MYO6: variants seen among roughly 807,000 people sequenced by gnomAD.
MYO6 encodes the protein unconventional myosin-VI.
MYO6 carries 74 observed loss-of-function variants against 178.7 expected under a neutral mutation model. The observed-to-expected ratio is 0.41, with a 90% CI of 0.34 to 0.50. The LOEUF (loss-of-function observed/expected upper bound fraction) is 0.50, where lower values mean the gene tolerates loss of function less well. Ranked by LOEUF, MYO6 falls within the 20% of genes least tolerant of loss-of-function variation. MYO6 has a pLI of 0.09. For missense variants in MYO6, 1,330 were observed against 1,547.4 expected (o/e 0.86, Z 2.36); for synonymous variants, 477 against 504.6 (o/e 0.95, Z 0.73).
intron 1 of MYO6, among the ~76,000 whole-genome samples, chr6:75,761,154 C>T (rs1039521636): frequency 1.3e-5 from 2 of 152,036 alleles, no homozygotes; most frequent in African/African-American, 4.8e-5. Context: ...ACTTTATGTA[C>T]TTATTATTCT....
chr6:75,758,864 T>A (rs185389282), intron 1 of MYO6, among the ~76,000 whole-genome samples: 1 of 152,002 alleles, frequency 6.6e-6, no homozygotes, highest in African/African-American at 2.4e-5. Flanking sequence ...AAATACATGT[T>A]TGTATAGATC....
Position 75,917,634 on chromosome 6 carries a change from T to C in MYO6, c.*2622T>C, listed in dbSNP as rs905498127. ...GCCACACAAAGGCATTCTATTGTTA[T>C]GCTCATTCTGCTTCTGTAATGACTT... On this transcript the variant is annotated 3_prime_UTR_variant, in exon 35 of 35. Transcript: ENST00000369977. The C allele has an allele frequency of 6.6e-6, 1 of 152,316 alleles. No homozygotes were observed. 9.4% of individuals were successfully genotyped at this position (152,316 alleles called of 1,614,324 possible). A position where few individuals can be genotyped will look rare whatever the true frequency, so the allele number is the denominator to read the frequency against.
chr6:75,859,085 G>A (rs1775971625), intron 14 of MYO6, 92 bp downstream of exon 14: 5 of 867,018 alleles, frequency 5.8e-6, no homozygotes, highest in Non-Finnish European at 9.3e-6. Context: ...GATTGGTGTG[G>A]ATGGATGGTG....
At chr6:75,862,538 A>T in intron 15 of MYO6, 58 bp from the exon 16 acceptor site, 1 of 1,467,744 alleles carries the variant, frequency 6.8e-7, no homozygotes, top group South Asian at 1.2e-5. Context: ...AATTGTTCAC[A>T]TATCTTTAAA....
At chr6:75,781,697 GGATCAC>G (rs1218943063) in intron 1 of MYO6, among the ~76,000 whole-genome samples, 1 of 152,042 alleles carries the variant, frequency 6.6e-6, no homozygotes. Flanking sequence ...TGAGGCAGGT[GGATCAC>G]GAGGTCAGGA....
At chr6:75,900,618 A>G (rs1179558967) in intron 30 of MYO6, among the ~76,000 whole-genome samples, 4 of 152,108 alleles carry the variant, frequency 2.6e-5, no homozygotes, top group Non-Finnish European at 5.9e-5. Flanking sequence ...AGTTCATTGT[A>G]GATTCTGGAT....
intron 30 of MYO6, among the ~76,000 whole-genome samples, chr6:75,900,284 A>C (rs1298604480): frequency 6.6e-6 from 1 of 152,116 alleles, no homozygotes; most frequent in East Asian, 1.9e-4. Context: ...TGGTATTTCT[A>C]GTTCTAGATC....
chr6:75,886,176 C>T, intron 24 of MYO6, 82 bp downstream of exon 24: 1 of 908,012 alleles, frequency 1.1e-6, no homozygotes, highest in Non-Finnish European at 1.8e-6. Context: ...TAATAAAAAG[C>T]AGTTTGGATA....
intron 3 of MYO6, among the ~76,000 whole-genome samples, chr6:75,825,027 G>T (rs1432391946): frequency 1.3e-5 from 2 of 152,136 alleles, no homozygotes; most frequent in African/African-American, 4.8e-5. Flanking sequence ...CCAAAGTGCT[G>T]GGATTATAGG....
Position 75,895,285 on chromosome 6 carries a change from T to A in MYO6, c.3137+25T>A, listed in dbSNP as rs1779208346. ...CGTATGTCACTTACCTTTACCTTTT[T>A]AAAAATAGGTTGTAGATACTTTTTG... On this transcript the variant is annotated intron_variant, in intron 29 of 34. Coordinates refer to ENST00000369977, the MANE Select transcript of MYO6 (RefSeq NM_004999.4). 4 of 1,583,684 alleles carry A rather than the reference T, an allele frequency of 2.5e-6. No homozygotes were observed. The African/African-American group carries it at 5.4e-5, about 21-fold the overall frequency.
chr6:75,770,991 CT>C (rs1014392664), intron 1 of MYO6, among the ~76,000 whole-genome samples: 22 of 145,610 alleles, frequency 1.5e-4, no homozygotes, highest in African/African-American at 3.3e-4. Context: ...GATAACAGCA[CT>C]TTTTTTTTTC....
At chr6:75,761,627 AGACAC>A (rs772193747) in intron 1 of MYO6, among the ~76,000 whole-genome samples, 5 of 151,382 alleles carry the variant, frequency 3.3e-5, no homozygotes, top group Non-Finnish European at 7.4e-5. Context: ...ACACACACAC[AGACAC>A]ATTTTTTTTT....
rs371954500 is a variant in MYO6 at position 75,886,054 on chromosome 6, A to G, written c.2467A>G (p.Thr823Ala). The G allele has an allele frequency of 1.1e-5, 17 of 1,612,740 alleles. No homozygotes were observed. The East Asian group carries it at 3.3e-4, about 32-fold the overall frequency. Reference sequence around the variant, plus strand: ...TGAAGCCTGCATTAAAATGCAAAAAACTATTCGAATGTGGCTTTGCAAGAG... The same window carrying G: ...TGAAGCCTGCATTAAAATGCAAAAAGCTATTCGAATGTGGCTTTGCAAGAG... ...RAEACIKMQK[T>A]IRMWLCKRRH... is the part of the protein sequence containing the mutation. Residue 823 changes from threonine (T) to alanine (A), a missense_variant, in exon 24 of 35, where the codon ACT becomes GCT. By Grantham distance (58) the Thr-to-Ala change is moderately conservative (BLOSUM62 0). Coordinates refer to ENST00000369977, the MANE Select transcript of MYO6 (RefSeq NM_004999.4).
intron 19 of MYO6, among the ~76,000 whole-genome samples, chr6:75,872,999 C>T (rs1405070333): frequency 2.0e-5 from 3 of 152,070 alleles, no homozygotes; most frequent in Admixed American, 6.5e-5. Context: ...GTCTTGAACT[C>T]CTGACCTCAG....
chr6:75,841,394 A>G lies in MYO6; in HGVS notation c.816+16A>G, dbSNP rs1311593827. ...TAATTTTCGGGTAGGTCAGAAGAAAAGAAATTTCATATAGCCAGGTGCAGT... is the reference window on the plus strand; with the variant it reads ...TAATTTTCGGGTAGGTCAGAAGAAAGGAAATTTCATATAGCCAGGTGCAGT... On this transcript the variant is annotated intron_variant, in intron 9 of 34. Transcript: ENST00000369977. The G allele has an allele frequency of 1.2e-6, 2 of 1,611,566 alleles. No individual in the cohort carries two copies. The highest frequency in any genetic ancestry group is 1.1e-5 in the South Asian group (1 of 90,962).
chr6:75,864,414 C>G (rs1411979418), intron 16 of MYO6, among the ~76,000 whole-genome samples: 1 of 152,298 alleles, frequency 6.6e-6, no homozygotes, highest in African/African-American at 2.4e-5. Context: ...CTATATATTT[C>G]TTGTAATGTG....
chr6:75,804,901 CATATATACACACATATATA>C (rs2150127740), intron 1 of MYO6, among the ~76,000 whole-genome samples: 1 of 143,052 alleles, frequency 7.0e-6, no homozygotes, highest in African/African-American at 2.6e-5. Context: ...CATATATATA[CATATATACACACATATATA>C]ATATATACAC....
At chr6:75,806,856 G>A (rs1029480054) in intron 1 of MYO6, among the ~76,000 whole-genome samples, 13 of 152,160 alleles carry the variant, frequency 8.5e-5, no homozygotes, top group African/African-American at 2.7e-4. Flanking sequence ...GTCTGTTCGG[G>A]GCTCTCAGCT....
chr6:75,762,187 G>A (rs572664782), intron 1 of MYO6, among the ~76,000 whole-genome samples: 5 of 152,148 alleles, frequency 3.3e-5, no homozygotes, highest in African/African-American at 9.6e-5. Context: ...CGCCTGCCTC[G>A]GCCTCCCATA....
Sources: allele counts gnomAD v4.1 joint callset (sites outside exome capture counted in the v4.1 genomes callset), GRCh38; gene constraint gnomAD v4.1.1; transcripts MANE v1.5; gene names NCBI Gene and HGNC (gene_info 2026-07-23, HGNC 2026-07-21).